MEIG1: variants seen among roughly 807,000 people sequenced by gnomAD.
MEIG1 encodes meiosis/spermiogenesis associated 1.
Under a neutral mutation model 11.3 loss-of-function variants are expected in MEIG1, and 12 were observed. The ratio of observed to expected loss-of-function variants is 1.07; its 90% CI spans 0.68 to 1.73. The LOEUF is 1.73. Among genes scored for constraint, MEIG1 ranks in the 40% most tolerant of loss-of-function variants. MEIG1 has a pLI of 0.00. For synonymous variants in MEIG1, 41 were observed against 33.2 expected (o/e 1.24, Z -0.81); for missense variants, 119 against 104.9 (o/e 1.13, Z -0.59).
chr10:14,955,630 G>A (rs767880617), upstream of MEIG1, among the ~76,000 whole-genome samples: 53 of 152,118 alleles, frequency 3.5e-4, no homozygotes, highest in African/African-American at 6.8e-4. Flanking sequence ...CCTGGGAGGC[G>A]GAGGTTGCAG....
chr10:14,954,318 C>A, the MEIG1 span: 1 of 485,814 alleles, frequency 2.1e-6, no homozygotes, highest in Non-Finnish European at 3.8e-6. Context: ...AGGCGTTGCC[C>A]ATGTCTGTGG....
At chr10:14,963,253 C>G (rs113379231) in intron 1 of MEIG1, among the ~76,000 whole-genome samples, 1 of 151,550 alleles carries the variant, frequency 6.6e-6, no homozygotes, top group Non-Finnish European at 1.5e-5. Context: ...TGCGCCACCA[C>G]GCCCGGCTAA....
downstream of MEIG1, among the ~76,000 whole-genome samples, chr10:14,974,812 T>C (rs2131277219): frequency 6.6e-6 from 1 of 152,156 alleles, no homozygotes; most frequent in African/African-American, 2.4e-5. Flanking sequence ...TAGCTCTTAA[T>C]AATTAATATT....
chr10:14,965,506 A>T (rs550889637), intron 1 of MEIG1, among the ~76,000 whole-genome samples: 10 of 152,272 alleles, frequency 6.6e-5, no homozygotes, highest in Admixed American at 1.3e-4. Context: ...GTGTTAGGCC[A>T]TTTTCTCACA....
At chr10:14,964,666 G>C (rs1401726854) in intron 1 of MEIG1, among the ~76,000 whole-genome samples, 1 of 102,650 alleles carries the variant, frequency 9.7e-6, no homozygotes, top group African/African-American at 3.8e-5. Context: ...TTTGGAGCCA[G>C]AGTCTTGCTC....
downstream of MEIG1, among the ~76,000 whole-genome samples, chr10:14,976,302 G>A (rs1843209813): frequency 6.6e-6 from 1 of 152,042 alleles, no homozygotes; most frequent in South Asian, 2.1e-4. Flanking sequence ...TATTCATCGG[G>A]GAATATTAAT....
At chr10:14,975,878 T>G (rs1266421309), downstream of MEIG1, among the ~76,000 whole-genome samples, 3 of 152,100 alleles carry the variant, frequency 2.0e-5, no homozygotes. Flanking sequence ...GCAGAAACAC[T>G]CCCGTGATAT....
chr10:14,974,660 T>G (rs577147571), downstream of MEIG1, among the ~76,000 whole-genome samples: 3 of 152,240 alleles, frequency 2.0e-5, no homozygotes, highest in East Asian at 5.8e-4. Flanking sequence ...GATCATATAA[T>G]TCTTAAAATC....
upstream of MEIG1, among the ~76,000 whole-genome samples, chr10:14,955,560 CGGGCATGGT>C: frequency 6.6e-6 from 1 of 152,184 alleles, no homozygotes; most frequent in East Asian, 1.9e-4. Context: ...AAAAATCGGC[CGGGCATGGT>C]GGCACACATC....
chr10:14,981,494 T>A (rs1843262459), intron 1 of MEIG1, among the ~76,000 whole-genome samples: 1 of 152,168 alleles, frequency 6.6e-6, no homozygotes, highest in Admixed American at 6.5e-5. Flanking sequence ...GAAACCCCCG[T>A]GGCTCCGGTG....
chr10:14,975,947 C>T (rs1843205280), downstream of MEIG1, among the ~76,000 whole-genome samples: 1 of 152,128 alleles, frequency 6.6e-6, no homozygotes, highest in Non-Finnish European at 1.5e-5. Context: ...AGAGGATGTG[C>T]ACCCGTCTGT....
intron 1 of MEIG1, among the ~76,000 whole-genome samples, chr10:14,962,738 A>G (rs944502720): frequency 1.1e-4 from 16 of 152,176 alleles, no homozygotes; most frequent in African/African-American, 3.9e-4. Flanking sequence ...CACTAAATTC[A>G]TATAAAAATA....
At chr10:14,973,144 G>A (rs1843171647), downstream of MEIG1, among the ~76,000 whole-genome samples, 1 of 152,114 alleles carries the variant, frequency 6.6e-6, no homozygotes, top group Admixed American at 6.5e-5. Context: ...GGCATTTCAG[G>A]TGTGAGCCAC....
downstream of MEIG1, among the ~76,000 whole-genome samples, chr10:14,976,339 G>A (rs1164789405): frequency 2.0e-5 from 3 of 152,172 alleles, no homozygotes; most frequent in Non-Finnish European, 2.9e-5. Context: ...CGTACACACT[G>A]TGAAGTTATT....
chr10:14,970,282 A>C (rs1026994357), intron 2 of MEIG1: 3 of 152,266 alleles, frequency 2.0e-5, no homozygotes, highest in Admixed American at 1.3e-4. Context: ...GGAAATGATC[A>C]AGTTGAAAGT....
intron 1 of MEIG1, among the ~76,000 whole-genome samples, chr10:14,965,400 G>A (rs771309415): frequency 3.3e-5 from 5 of 152,110 alleles, no homozygotes; most frequent in South Asian, 2.1e-4. Context: ...AACTAAAGTC[G>A]TATATTAGAC....
At chr10:14,966,709 A>T in intron 2 of MEIG1, 103 bp downstream of exon 2, 2 of 1,020,194 alleles carry the variant, frequency 2.0e-6, no homozygotes, top group Non-Finnish European at 2.9e-6. Context: ...ATTCGACTCC[A>T]ACTCTCTCAT....
chr10:14,984,885 G>A (rs1250749108), intron 1 of MEIG1, among the ~76,000 whole-genome samples: 2 of 151,788 alleles, frequency 1.3e-5, no homozygotes, highest in Non-Finnish European at 2.9e-5. Context: ...TCCTGTACAC[G>A]CTTCAATATT....
At chr10:14,983,407 T>A (rs1843284755) in intron 1 of MEIG1, among the ~76,000 whole-genome samples, 1 of 152,040 alleles carries the variant, frequency 6.6e-6, no homozygotes, top group Admixed American at 6.6e-5. Flanking sequence ...CCTCTGATAT[T>A]CTTCCTAGCA....
Sources: gnomAD v4.1 joint callset for allele counts (sites outside exome capture counted in the v4.1 genomes callset) on GRCh38, gnomAD v4.1.1 for gene constraint, MANE v1.5 for transcripts, NCBI Gene and HGNC (gene_info 2026-07-23, HGNC 2026-07-21) for gene names.